HAUS7: variants seen among roughly 807,000 people sequenced by gnomAD.
HAUS7 encodes HAUS augmin-like complex subunit 7.
In HAUS7, 3 loss-of-function variants were observed where a neutral mutation model predicts 28.4. The ratio of observed to expected loss-of-function variants is 0.11; its 90% confidence interval spans 0.05 to 0.27. HAUS7 has a LOEUF of 0.27. Ranked by LOEUF, HAUS7 falls within the 10% of genes least tolerant of loss-of-function variation. HAUS7 has a pLI of 1.00. For synonymous variants in HAUS7, 165 were observed against 132.1 expected (o/e 1.25, Z -1.71); for missense variants, 284 against 297.3 (o/e 0.96, Z 0.33).
chrX:153,493,564 A>T (rs782277903), intron 1 of HAUS7, among the ~76,000 whole-genome samples: 1 of 112,289 alleles, frequency 8.9e-6, no homozygotes, highest in Non-Finnish European at 1.9e-5. Context: ...CATTCCAACC[A>T]TGAAATCAAG....
chrX:153,455,375 G>A lies in HAUS7; in HGVS notation c.930+167C>T, dbSNP rs934536232. On this transcript the variant is annotated intron_variant, in intron 8 of 9. Coordinates refer to ENST00000370211, the MANE Select transcript of HAUS7 (RefSeq NM_001385482.1). The stretch of plus-strand genomic sequence containing the variant: ...ACTGAGGGGCCCAGAGCCCTGCCAC[G>A]CCACTGGCCAGCAGGGAGCCCAGCC... 3.5e-4 allele frequency: 156 copies of A among 448,458 alleles called. No homozygotes were observed. The highest frequency in any genetic ancestry group is 5.4e-4 in the Non-Finnish European group (142 of 260,884). 37.0% of individuals were successfully genotyped at this position (448,458 alleles called of 1,213,427 possible).
chrX:153,454,610 A>G, intron 8 of HAUS7, 102 bp from the exon 9 acceptor site: 1 of 538,662 alleles, frequency 1.9e-6, no homozygotes, highest in Non-Finnish European at 3.2e-6. Context: ...TCCCACCCCC[A>G]CTCACACTGA....
upstream of HAUS7, among the ~76,000 whole-genome samples, chrX:153,471,582 T>G (rs781979167): frequency 9.0e-6 from 1 of 111,233 alleles, no homozygotes; most frequent in South Asian, 3.8e-4. Context: ...CAGGAAGGAG[T>G]TGGAGGGTGG....
rs2089437927 is a variant in HAUS7 at position 153,464,992 on chromosome X, G to T, written c.288C>A (p.Ile96=). 1 of 1,183,799 alleles carries T rather than the reference G, an allele frequency of 8.4e-7. No homozygotes were observed. The highest frequency in any genetic ancestry group is 1.1e-6 in the Non-Finnish European group (1 of 869,980). The change falls in exon 3 of 10, where the codon ATC becomes ATA. Residue 96 remains isoleucine (I), a synonymous_variant. Transcript: ENST00000370211. ...SLKGVPTEVK[I]QEMTKLGHEL... is the part of the protein sequence containing the mutation. The stretch of plus-strand genomic sequence containing the variant: ...ATGGACCAAGATTCCACCTACCTTG[G>T]ATCTTCACCTCTGTTGGGACCCCTT...
At chrX:153,480,979 G>C in intron 1 of HAUS7, 4 of 755,322 alleles carry the variant, frequency 5.3e-6, no homozygotes, top group Non-Finnish European at 6.3e-6. Flanking sequence ...AAGGGAAGGG[G>C]CCTGAAACCC....
intron 1 of HAUS7, chrX:153,485,785 T>C: frequency 1.1e-6 from 1 of 884,726 alleles, no homozygotes; most frequent in Non-Finnish European, 1.4e-6. Flanking sequence ...TGGAGACCCT[T>C]GACCTGTCCT....
chrX:153,467,923 C>T (rs897978138), intron 2 of HAUS7, among the ~76,000 whole-genome samples: 1 of 112,392 alleles, frequency 8.9e-6, no homozygotes, highest in African/African-American at 3.2e-5. Flanking sequence ...TAAAAGGAGA[C>T]AGGACGTGTG....
chrX:153,481,393 C>T, intron 1 of HAUS7: 18 of 754,813 alleles, frequency 2.4e-5, no homozygotes, highest in Non-Finnish European at 2.8e-5. Context: ...GAGGATCCGG[C>T]GCCCACAGAA....
chrX:153,481,978 T>G (rs1186089942), intron 1 of HAUS7: 1 of 631,421 alleles, frequency 1.6e-6, no homozygotes, highest in Non-Finnish European at 1.9e-6. Context: ...GGGCTGGGGC[T>G]GGCAGGTCCC....
chrX:153,488,576 C>T (rs1426159823), intron 1 of HAUS7, among the ~76,000 whole-genome samples: 2 of 112,623 alleles, frequency 1.8e-5, no homozygotes, highest in African/African-American at 6.4e-5. Context: ...CATTCCTTCT[C>T]CTCCAGCTGG....
chrX:153,458,602 G>A (rs1556982766), intron 4 of HAUS7, among the ~76,000 whole-genome samples: 1 of 112,077 alleles, frequency 8.9e-6, no homozygotes, highest in Non-Finnish European at 1.9e-5. Context: ...ACTTCTCCTG[G>A]GTGGACAGCT....
intron 3 of HAUS7, chrX:153,463,036 C>T (rs782148432): frequency 3.2e-5 from 12 of 373,854 alleles, no homozygotes; most frequent in Non-Finnish European, 4.5e-5. Context: ...ATGGACTCAC[C>T]GCTCCCATCT....
intron 1 of HAUS7, chrX:153,482,071 G>A: frequency 3.9e-6 from 1 of 255,442 alleles, no homozygotes; most frequent in Non-Finnish European, 5.5e-6. Context: ...AGAGCAGCCA[G>A]CATGGTGGGC....
intron 1 of HAUS7, among the ~76,000 whole-genome samples, chrX:153,478,161 G>A (rs2089574429): frequency 8.9e-6 from 1 of 112,780 alleles, no homozygotes; most frequent in African/African-American, 3.2e-5. Context: ...CTGAAGAGCC[G>A]AGCCAGCGGT....
chrX:153,465,833 C>T (rs1055258560), intron 2 of HAUS7, among the ~76,000 whole-genome samples: 1 of 112,431 alleles, frequency 8.9e-6, no homozygotes, highest in East Asian at 2.8e-4. Flanking sequence ...AAGCCCCATG[C>T]CTCAAGCCCG....
At chrX:153,492,336 G>T (rs1273305273) in intron 1 of HAUS7, among the ~76,000 whole-genome samples, 1 of 112,146 alleles carries the variant, frequency 8.9e-6, no homozygotes, top group Non-Finnish European at 1.9e-5. Context: ...GGAGCAGAAG[G>T]GGGAGGCCCT....
At chrX:153,462,528 C>T (rs1422296034) in intron 4 of HAUS7, 82 bp downstream of exon 4, 1 of 807,770 alleles carries the variant, frequency 1.2e-6, no homozygotes, top group African/African-American at 2.0e-5. Flanking sequence ...AAAATCCTCC[C>T]ACCTCAGCCA....
intron 4 of HAUS7, among the ~76,000 whole-genome samples, chrX:153,459,035 G>C (rs2089353373): frequency 8.9e-6 from 1 of 112,292 alleles, no homozygotes; most frequent in South Asian, 3.7e-4. Flanking sequence ...TGGGATTACA[G>C]GCATGAGCCA....
At position 153,469,241 on chromosome X, in the gene HAUS7, G is replaced by C. The variant is rs369890157; in HGVS notation, c.129C>G (p.Leu43=). 3.5e-6 allele frequency: 4 copies of C among 1,151,555 alleles called. No homozygotes were observed. The highest frequency in any genetic ancestry group is 4.8e-6 in the Non-Finnish European group (4 of 840,812). The allele number at this position is 1,151,555 out of a possible 1,213,427, so 94.9% of individuals were successfully genotyped here. The change falls in exon 2 of 10, where the codon CTC becomes CTG. Residue 43 remains leucine (L), a synonymous_variant. Coordinates refer to ENST00000370211, the MANE Select transcript of HAUS7 (RefSeq NM_001385482.1). ...GKLKDLNCPF[L]EGLYITEPKT... is the part of the protein sequence containing the mutation. ...TTGGCTCTGTGATATACAGACCCTC[G>C]AGGAAGGGGCAGTTTAGGTCCTAAG...
Sources: allele counts gnomAD v4.1 joint callset (sites outside exome capture counted in the v4.1 genomes callset), GRCh38; gene constraint gnomAD v4.1.1; transcripts MANE v1.5; gene names NCBI Gene and HGNC (gene_info 2026-07-23, HGNC 2026-07-21).